MYBPH: variants seen among roughly 807,000 people sequenced by gnomAD.
MYBPH encodes the protein myosin binding protein H.
A neutral mutation model predicts 53.6 loss-of-function variants in MYBPH; 49 were observed. The ratio of observed to expected loss-of-function variants is 0.91; its 90% CI spans 0.73 to 1.16. MYBPH has a LOEUF of 1.16. MYBPH is among the 50% of genes most tolerant of loss of function. MYBPH has a pLI of 0.00. For synonymous variants in MYBPH, 239 were observed against 249.6 expected, an observed-to-expected ratio of 0.96 and a Z score of 0.40; for missense variants, 558 against 624.1, an observed-to-expected ratio of 0.89 and a Z score of 1.13.
chr1:203,176,312 C>T (rs184761276), upstream of MYBPH, among the ~76,000 whole-genome samples: 1 of 152,242 alleles, frequency 6.6e-6, no homozygotes, highest in East Asian at 1.9e-4. Context: ...GGACTCTCGC[C>T]TGTGCTGTAT....
Position 203,171,260 on chromosome 1 carries a change from C to T in MYBPH, c.794-60G>A. ...AGGGCCAGGCTGGCCACAGAGCCCC[C>T]ACACCCAAAATTTGGCTCTTGCCAC... On this transcript the variant is annotated intron_variant, in intron 5 of 10. Coordinates refer to ENST00000255416, the MANE Select transcript of MYBPH (RefSeq NM_004997.3). The surrounding 1 kb of genome is among the most constrained non-coding windows in gnomAD (Gnocchi z 4.2). 1 of 1,551,356 alleles carries T rather than the reference C, an allele frequency of 6.4e-7. No homozygotes were observed. Among genetic ancestry groups the T allele is most frequent in the Non-Finnish European group, 8.7e-7 (1 of 1,147,092 alleles).
chr1:203,178,118 C>G (rs1425696913), upstream of MYBPH, among the ~76,000 whole-genome samples: 1 of 152,196 alleles, frequency 6.6e-6, no homozygotes, highest in East Asian at 1.9e-4. Flanking sequence ...GTATCTGGAG[C>G]CTTTTTGGAT....
chr1:203,175,873 C>A (rs1276527849), upstream of MYBPH: 1 of 1,007,738 alleles, frequency 9.9e-7, no homozygotes, highest in Non-Finnish European at 1.5e-6. Flanking sequence ...GGCTGCCCCA[C>A]CCCCAGCAAA....
In MYBPH at chr1:203,171,717, G is replaced by A; in HGVS notation, c.598-139C>T. On this transcript the variant is annotated intron_variant, in intron 4 of 10. Coordinates refer to ENST00000255416, the MANE Select transcript of MYBPH (RefSeq NM_004997.3). This position sits in a 1 kb window ranked among gnomAD's most constrained non-coding sequence, Gnocchi z 4.2. ...CTCAGGAGGGGCAGCAGAGGCTGGA[G>A]CCACAGGTGCTGCCCACAGCCACAT... is the stretch of plus-strand genomic sequence containing the variant. 1.0e-6 allele frequency: 1 copy of A among 974,256 alleles called. No homozygotes were observed. The highest frequency in any genetic ancestry group is 1.5e-6 in the Non-Finnish European group (1 of 680,138). The allele number at this position is 974,256 out of a possible 1,614,324, so 60.4% of individuals were successfully genotyped here.
rs755373625 is a variant in MYBPH at position 203,171,528 on chromosome 1, G to C, written c.648C>G (p.Asp216Glu). Residue 216 changes from aspartate to glutamate, a missense_variant, in exon 5 of 11, where the codon GAC (aspartate) becomes GAG (glutamate). Coordinates refer to ENST00000255416, the MANE Select transcript of MYBPH (RefSeq NM_004997.3). The surrounding 1 kb of genome is among the most constrained non-coding windows in gnomAD (Gnocchi z 4.2). ...ATWTHNGHALDSQRVSMRTGD... is the reference protein window; with the variant it reads ...ATWTHNGHALESQRVSMRTGD... The stretch of plus-strand genomic sequence containing the variant: ...CGGTGCGCATGCTCACCCGCTGGCT[G>C]TCCAGGGCATGGCCGTTGTGGGTCC... 4 of 1,613,744 alleles carry C rather than the reference G, an allele frequency of 2.5e-6. No homozygotes were observed. The highest frequency in any genetic ancestry group is 3.4e-6 in the Non-Finnish European group (4 of 1,179,978).
At chr1:203,168,484 G>T (rs77732872) in intron 10 of MYBPH, 143 bp downstream of exon 10, 1 of 779,236 alleles carries the variant, frequency 1.3e-6, no homozygotes, top group Non-Finnish European at 2.2e-6. Context: ...CTGGACATGC[G>T]TGCTAGTTGC....
upstream of MYBPH, among the ~76,000 whole-genome samples, chr1:203,178,297 G>T (rs143089140): frequency 2.9e-3 from 443 of 152,280 alleles, 6 homozygotes; most frequent in Non-Finnish European, 3.7e-3. Flanking sequence ...ATGGGTGGAG[G>T]GATGAGTGTT....
intron 2 of MYBPH, 98 bp from the exon 3 acceptor site, chr1:203,174,695 C>T (rs35635529): frequency 0.051 from 65,495 of 1,285,564 alleles, 1,968 homozygotes; most frequent in South Asian, 0.076. Flanking sequence ...GGAAATCAGC[C>T]TCCCTCTCTG....
chr1:203,168,598 T>A (rs1162059497), intron 10 of MYBPH, 29 bp downstream of exon 10: 1 of 1,547,240 alleles, frequency 6.5e-7, no homozygotes, highest in African/African-American at 1.4e-5. Flanking sequence ...CCCACAGAGG[T>A]AACAGAGTGG....
In MYBPH at chr1:203,171,595, C is replaced by T; in HGVS notation, c.598-17G>A. 1.2e-6 allele frequency: 2 copies of T among 1,604,702 alleles called. No homozygotes were observed. The highest frequency in any genetic ancestry group is 1.7e-6 in the Non-Finnish European group (2 of 1,176,688). On this transcript the variant is annotated splice_polypyrimidine_tract_variant and intron_variant, in intron 4 of 10. Coordinates refer to ENST00000255416, the MANE Select transcript of MYBPH (RefSeq NM_004997.3). The surrounding 1 kb of genome is among the most constrained non-coding windows in gnomAD (Gnocchi z 4.2). ...AGGCTTCCCCTGGCAGGGAGGAGCC[C>T]CCAGGGTGAGTGTAGGGAGGTGCCA...
intron 3 of MYBPH, chr1:203,174,209 G>A: frequency 2.8e-6 from 2 of 703,114 alleles, no homozygotes; most frequent in Non-Finnish European, 3.5e-6. Flanking sequence ...CGTGGGGGCT[G>A]GACCACTCAG....
upstream of MYBPH, among the ~76,000 whole-genome samples, chr1:203,177,566 C>T (rs2364573): frequency 0.011 from 1,703 of 152,288 alleles, 17 homozygotes; most frequent in Middle Eastern, 0.034. Context: ...TGGATGCCCT[C>T]GCCCTCTGCT....
chr1:203,177,245 A>T (rs1655829064), upstream of MYBPH, among the ~76,000 whole-genome samples: 1 of 152,238 alleles, frequency 6.6e-6, no homozygotes, highest in Non-Finnish European at 1.5e-5. Flanking sequence ...AGGAACAGGG[A>T]TATCTGTGAT....
At position 203,174,506 on chromosome 1, in the gene MYBPH, G is replaced by A. The variant is rs772721169; in HGVS notation, c.432C>T (p.Arg144=). The change falls in exon 3 of 11, where the codon CGC becomes CGT. Residue 144 remains arginine, a synonymous_variant. Transcript: ENST00000255416. ...CCCCTGCAGAACTCACTGCAGACAC[G>A]CGCAGGAGGAACTTGTCTCCCAGAG... ...NLALGDKFLL[R]VSAVSSAGAG... is the part of the protein sequence containing the mutation. 66 of 1,613,428 alleles carry A rather than the reference G, an allele frequency of 4.1e-5. 1 individual carries two copies. The highest frequency in any genetic ancestry group is 1.1e-4 in the South Asian group (10 of 91,064).
At chr1:203,178,104 G>A (rs1484597791), upstream of MYBPH, among the ~76,000 whole-genome samples, 7 of 152,204 alleles carry the variant, frequency 4.6e-5, no homozygotes. Flanking sequence ...TAGTTCTGGG[G>A]TGAGTATCTG....
In MYBPH at chr1:203,169,368, C is replaced by A. The variant is rs763395989; in HGVS notation, c.1115G>T (p.Gly372Val). 6.3e-7 allele frequency: 1 copy of A among 1,586,488 alleles called. No individual in the cohort carries two copies. The highest frequency in any genetic ancestry group is 8.6e-7 in the Non-Finnish European group (1 of 1,164,788). Reference protein sequence around the residue: ...QKADIAAKPKGFIERDFSEAP... With the variant: ...QKADIAAKPKVFIERDFSEAP... ...TTCTGAGAAGTCTCGCTCAATAAAC[C>A]CTTTAGGTTTGGCAGCAATATCTGG... is the stretch of plus-strand genomic sequence containing the variant. Residue 372 changes from glycine (G) to valine (V), a missense_variant, in exon 8 of 11, where the codon GGG (glycine) becomes GTG (valine). Coordinates refer to ENST00000255416, the MANE Select transcript of MYBPH (RefSeq NM_004997.3).
In MYBPH at chr1:203,168,137, G is replaced by A. The variant is rs77633853; in HGVS notation, c.*33-46C>T. ...TGAGCCCCTGGTGTGAGCAGAGCTC[G>A]GCTGCAGGCCAGAGAGGTGCAGAGT... On this transcript the variant is annotated intron_variant, in intron 10 of 10. Transcript: ENST00000255416. The A allele has an allele frequency of 6.1e-3, 1,146 of 188,626 alleles. 13 individuals carry two copies. The highest frequency in any genetic ancestry group is 0.025 in the African/African-American group (1,056 of 42,100). 11.7% of individuals were successfully genotyped at this position (188,626 alleles called of 1,614,324 possible). A position where few individuals can be genotyped will look rare whatever the true frequency, so the allele number is the denominator to read the frequency against.
At position 203,169,035 on chromosome 1, in the gene MYBPH, C is replaced by T. The variant is rs767469310; in HGVS notation, c.1288G>A (p.Ala430Thr). ...GTGCAGACGCCTTGCTCAGAGAGGG[C>T]GCGGTATTTGGGGTTGCCCTGGATC... is the stretch of plus-strand genomic sequence containing the variant. ...MEIQGNPKYRALSEQGVCTLE... is the reference protein window; with the variant it reads ...MEIQGNPKYRTLSEQGVCTLE... Residue 430 changes from alanine to threonine, a missense_variant, in exon 9 of 11, where the codon GCC becomes ACC. Physicochemically the swap from Ala to Thr is moderately conservative, Grantham distance 58. Transcript: ENST00000255416. 76 of 1,613,750 alleles carry T rather than the reference C, an allele frequency of 4.7e-5. No homozygotes were observed. The highest frequency in any genetic ancestry group is 5.5e-5 in the South Asian group (5 of 91,072).
chr1:203,176,614 T>C (rs1411371229), upstream of MYBPH, among the ~76,000 whole-genome samples: 1 of 152,162 alleles, frequency 6.6e-6, no homozygotes, highest in Non-Finnish European at 1.5e-5. Flanking sequence ...CCAAGCAGGC[T>C]GTGGGCATGG....
Sources: allele counts gnomAD v4.1 joint callset (sites outside exome capture counted in the v4.1 genomes callset), GRCh38; gene constraint gnomAD v4.1.1; non-coding constraint Gnocchi (gnomAD v3.1); transcripts MANE v1.5; gene names NCBI Gene and HGNC (gene_info 2026-07-23, HGNC 2026-07-21).